Variants in HEBP2 observed in about 807,000 individuals in gnomAD.
The protein encoded by HEBP2 is heme-binding protein 2.
HEBP2 carries 27 observed loss-of-function variants against 23.1 expected under a neutral mutation model. The ratio of observed to expected loss-of-function variants is 1.17; its 90% CI spans 0.86 to 1.61. HEBP2 has a LOEUF of 1.61. Among genes scored for constraint, HEBP2 ranks in the 40% most tolerant of loss-of-function variants. The probability of loss-of-function intolerance (pLI) is 0.00; values close to 1 mark genes in which losing one functional copy is unlikely to be tolerated. For synonymous variants in HEBP2, 99 were observed against 95.1 expected, an observed-to-expected ratio of 1.04 and a Z score of -0.24; for missense variants, 245 against 253.8, an observed-to-expected ratio of 0.97 and a Z score of 0.24.
At chr6:138,411,603 AC>A (rs1309749163) in intron 3 of HEBP2, among the ~76,000 whole-genome samples, 4 of 152,032 alleles carry the variant, frequency 2.6e-5, no homozygotes, top group African/African-American at 9.7e-5. Context: ...GATTCTCCTT[AC>A]CCCAGATTTA....
chr6:138,406,060 T>C lies in HEBP2; in HGVS notation c.328T>C (p.Tyr110His), dbSNP rs199569366. ...FSESTITISL[Y>H]IPSEQQFDPP... Reference sequence around the variant, plus strand: ...TGAGTCTACCATTACCATTTCCCTGTATATTCCCTCTGAACAGCAATTTGA... The same window carrying C: ...TGAGTCTACCATTACCATTTCCCTGCATATTCCCTCTGAACAGCAATTTGA... The change falls in exon 3 of 4, where the codon TAT becomes CAT. Residue 110 changes from tyrosine (Y) to histidine (H), a missense_variant. Coordinates refer to ENST00000607197, the MANE Select transcript of HEBP2 (RefSeq NM_014320.3). The C allele has an allele frequency of 1.2e-5, 20 of 1,614,180 alleles. No homozygotes were observed. The Admixed American group carries it at 2.5e-4, about 20-fold the overall frequency.
Position 138,418,019 on chromosome 6 carries a change from C to T in HEBP2, c.*4941C>T, listed in dbSNP as rs568697482. The T allele has an allele frequency of 2.6e-5, 4 of 152,282 alleles. No individual in the cohort carries two copies. The highest frequency in any genetic ancestry group is 5.9e-5 in the Non-Finnish European group (4 of 68,026). The allele number at this position is 152,282 out of a possible 1,614,324, so 9.4% of individuals were successfully genotyped here. On this transcript the variant is annotated 3_prime_UTR_variant, in exon 4 of 4. Transcript: ENST00000607197. ...AAAGACAAGCCTTGGAAGGATCAAA[C>T]TAATTTCAAGAAACTTAACTGTGAA...
In HEBP2 at chr6:138,404,243, G is replaced by A. The variant is rs1210108559; in HGVS notation, c.-253G>A. 27 of 309,270 alleles carry A rather than the reference G, an allele frequency of 8.7e-5. No homozygotes were observed. The highest frequency in any genetic ancestry group is 1.4e-4 in the Non-Finnish European group (24 of 169,400). 19.2% of individuals were successfully genotyped at this position (309,270 alleles called of 1,614,324 possible). ...CGGCTCCCTGTCGCCGCGGAGGGGC[G>A]GGGGCAGGACGCGCAACTCCGGCCG... is the stretch of plus-strand genomic sequence containing the variant. On this transcript the variant is annotated 5_prime_UTR_variant, in exon 1 of 4. Transcript: ENST00000607197.
chr6:138,410,837 T>C (rs1774734168), intron 3 of HEBP2, among the ~76,000 whole-genome samples: 1 of 152,118 alleles, frequency 6.6e-6, no homozygotes, highest in African/African-American at 2.4e-5. Flanking sequence ...GACATGAAAA[T>C]GATAGAATGG....
intron 3 of HEBP2, 63 bp from the exon 4 acceptor site, chr6:138,412,815 TGC>T: frequency 7.1e-7 from 1 of 1,407,076 alleles, no homozygotes; most frequent in Admixed American, 1.7e-5. Context: ...GCCCGCTTTT[TGC>T]TTCAGACTGA....
rs1433537654 is a variant in HEBP2 at position 138,405,233 on chromosome 6, C to A, written c.191C>A (p.Thr64Lys). 6.2e-7 allele frequency: 1 copy of A among 1,614,036 alleles called. No homozygotes were observed. Among genetic ancestry groups the A allele is most frequent in the East Asian group, 2.2e-5 (1 of 44,900 alleles). Residue 64 changes from threonine (T) to lysine (K), a missense_variant, in exon 2 of 4, where the codon ACG becomes AAG. By Grantham distance (78) the Thr-to-Lys change is moderately conservative. Coordinates refer to ENST00000607197, the MANE Select transcript of HEBP2 (RefSeq NM_014320.3). ...ESMDWDSAIQ[T>K]GFTKLNSYIQ... ...ATGGACTGGGATTCAGCCATCCAGACGGGCTTTACGAAACTGAACAGCTAC... is the reference window on the plus strand; with the variant it reads ...ATGGACTGGGATTCAGCCATCCAGAAGGGCTTTACGAAACTGAACAGCTAC...
rs1027058322 is a variant in HEBP2 at position 138,417,433 on chromosome 6, C to T, written c.*4355C>T. The stretch of plus-strand genomic sequence containing the variant: ...GAATTGGGAACCCAATTTACCTGTC[C>T]CTCTTAAACAACTAAAAGCCCAGAC... On this transcript the variant is annotated 3_prime_UTR_variant, in exon 4 of 4. Coordinates refer to ENST00000607197, the MANE Select transcript of HEBP2 (RefSeq NM_014320.3). 1 of 152,156 alleles carries T rather than the reference C, an allele frequency of 6.6e-6. No individual in the cohort carries two copies. The highest frequency in any genetic ancestry group is 2.4e-5 in the African/African-American group (1 of 41,432). 9.4% of individuals were successfully genotyped at this position (152,156 alleles called of 1,614,324 possible).
chr6:138,408,312 G>A (rs1170395536), intron 3 of HEBP2, among the ~76,000 whole-genome samples: 2 of 152,162 alleles, frequency 1.3e-5, no homozygotes, highest in East Asian at 1.9e-4. Context: ...GAGAAGCGAA[G>A]CCACATCTTC....
upstream of HEBP2, among the ~76,000 whole-genome samples, chr6:138,403,919 G>C (rs1014002326): frequency 2.6e-5 from 4 of 152,202 alleles, no homozygotes; most frequent in African/African-American, 9.6e-5. Context: ...TTCTTGGGAT[G>C]AGTACGGCCA....
At chr6:138,406,433 A>C (rs1774647160) in intron 3 of HEBP2, among the ~76,000 whole-genome samples, 1 of 152,258 alleles carries the variant, frequency 6.6e-6, no homozygotes, top group South Asian at 2.1e-4. Flanking sequence ...TTAGACCTGA[A>C]CAAAAATACC....
intron 3 of HEBP2, among the ~76,000 whole-genome samples, chr6:138,408,405 C>T (rs1030029925): frequency 7.9e-5 from 12 of 152,242 alleles, no homozygotes; most frequent in Non-Finnish European, 1.2e-4. Context: ...TACACTGGGA[C>T]ACAAACACAG....
upstream of HEBP2, chr6:138,403,585 C>A: frequency 2.2e-6 from 1 of 462,106 alleles, no homozygotes; most frequent in Non-Finnish European, 3.9e-6. Flanking sequence ...CTGGGGGGCG[C>A]CGGAGCCGTG....
rs927503500 is a variant in HEBP2 at position 138,416,077 on chromosome 6, G to A, written c.*2999G>A. ...GAGAAATGGGATCTATGCCAGAGGA[G>A]CCACCTAACCTGGCAGCATGTACTG... On this transcript the variant is annotated 3_prime_UTR_variant, in exon 4 of 4. Coordinates refer to ENST00000607197, the MANE Select transcript of HEBP2 (RefSeq NM_014320.3). The A allele has an allele frequency of 6.6e-6, 1 of 152,316 alleles. No homozygotes were observed. Among genetic ancestry groups the A allele is most frequent in the Non-Finnish European group, 1.5e-5 (1 of 68,162 alleles). The allele number at this position is 152,316 out of a possible 1,614,324, so 9.4% of individuals were successfully genotyped here.
chr6:138,408,432 T>C (rs1375325826), intron 3 of HEBP2, among the ~76,000 whole-genome samples: 1 of 152,228 alleles, frequency 6.6e-6, no homozygotes, highest in Non-Finnish European at 1.5e-5. Flanking sequence ...TGCCATGTCA[T>C]GACAAGGGTC....
rs1190792515 is a variant in HEBP2 at position 138,412,935 on chromosome 6, G to A, written c.475G>A (p.Ala159Thr). The part of the protein sequence containing the change: ...QKNQEQLLTL[A>T]SILREDGKVF... ...GAATCAAGAACAACTTTTGACATTA[G>A]CAAGCATTTTAAGGGAAGATGGAAA... The change falls in exon 4 of 4, where the codon GCA becomes ACA. Residue 159 changes from alanine to threonine, a missense_variant. Coordinates refer to ENST00000607197, the MANE Select transcript of HEBP2 (RefSeq NM_014320.3). 7 of 1,614,164 alleles carry A rather than the reference G, an allele frequency of 4.3e-6. No individual in the cohort carries two copies. Among genetic ancestry groups the A allele is most frequent in the Non-Finnish European group, 5.9e-6 (7 of 1,180,020 alleles).
At chr6:138,404,027 C>T (rs1410146041), upstream of HEBP2, among the ~76,000 whole-genome samples, 1 of 151,842 alleles carries the variant, frequency 6.6e-6, no homozygotes, top group Non-Finnish European at 1.5e-5. Context: ...TGCGCTGGGA[C>T]ACCCTCGAGG....
At chr6:138,403,690 A>G (rs777647502), upstream of HEBP2, 1 of 415,828 alleles carries the variant, frequency 2.4e-6, no homozygotes, top group East Asian at 3.6e-5. Context: ...TCGGCTCGGG[A>G]AAGCCCTGGT....
intron 3 of HEBP2, among the ~76,000 whole-genome samples, chr6:138,408,620 C>T (rs1273507885): frequency 6.6e-6 from 1 of 152,166 alleles, no homozygotes; most frequent in African/African-American, 2.4e-5. Flanking sequence ...CCCACATGAC[C>T]CTTACAGCAG....
Position 138,417,636 on chromosome 6 carries a change from TGAG to T in HEBP2, c.*4562_*4564del, listed in dbSNP as rs922003639. On this transcript the variant is annotated 3_prime_UTR_variant, in exon 4 of 4. Coordinates refer to ENST00000607197, the MANE Select transcript of HEBP2 (RefSeq NM_014320.3). ...CCAGAGACCAGTGGTCCTGCTGTGTTGAGGAGATGGAGATCAGTGTCACCGGAG... is the reference window on the plus strand; with the variant it reads ...CCAGAGACCAGTGGTCCTGCTGTGTTGAGATGGAGATCAGTGTCACCGGAG... 1 of 152,362 alleles carries T rather than the reference TGAG, an allele frequency of 6.6e-6. No individual in the cohort carries two copies. The highest frequency in any genetic ancestry group is 2.4e-5 in the African/African-American group (1 of 41,398). The allele number at this position is 152,362 out of a possible 1,614,324, so 9.4% of individuals were successfully genotyped here.
Sources: allele counts gnomAD v4.1 joint callset (sites outside exome capture counted in the v4.1 genomes callset), GRCh38; gene constraint gnomAD v4.1.1; transcripts MANE v1.5; gene names NCBI Gene and HGNC (gene_info 2026-07-23, HGNC 2026-07-21).